AGPAT4: variants seen among roughly 807,000 people sequenced by gnomAD.
The protein encoded by AGPAT4 is 1-acyl-sn-glycerol-3-phosphate acyltransferase delta.
AGPAT4 carries 15 observed loss-of-function variants against 48.0 expected under a neutral mutation model. The observed-to-expected ratio is 0.31, with a 90% CI of 0.21 to 0.48. The LOEUF (loss-of-function observed/expected upper bound fraction) is 0.48, where lower values mean the gene tolerates loss of function less well. Ranked by LOEUF, AGPAT4 falls within the 20% of genes least tolerant of loss-of-function variation. The pLI is 0.99. For missense variants in AGPAT4, 314 were observed against 482.5 expected (o/e 0.65, Z 3.27); for synonymous variants, 178 against 198.7 (o/e 0.90, Z 0.88).
At position 161,165,808 on chromosome 6, in the gene AGPAT4, C is replaced by A. The variant is rs729986; in HGVS notation, c.348+440G>T. The stretch of plus-strand genomic sequence containing the variant: ...GGACTCAAAGTTCTTAAGCCTTCAA[C>A]GATCAAAATGCAGAGGTGATGTCTG... On this transcript the variant is annotated intron_variant, in intron 3 of 8. Coordinates refer to ENST00000320285, the MANE Select transcript of AGPAT4 (RefSeq NM_020133.3). This position sits in a 1 kb window ranked among gnomAD's most constrained non-coding sequence, Gnocchi z 5.5. 10 of 582,850 alleles carry A rather than the reference C, an allele frequency of 1.7e-5. No individual in the cohort carries two copies. Among genetic ancestry groups the A allele is most frequent in the African/African-American group, 1.3e-4 (7 of 53,866 alleles). The allele number at this position is 582,850 out of a possible 1,614,324, so 36.1% of individuals were successfully genotyped here.
intron 2 of AGPAT4, among the ~76,000 whole-genome samples, chr6:161,172,781 T>C (rs935615017): frequency 6.6e-6 from 1 of 152,164 alleles, no homozygotes; most frequent in Non-Finnish European, 1.5e-5. Flanking sequence ...CTCCTAATGC[T>C]ATCCATCCCC....
chr6:161,158,949 T>G lies in AGPAT4; in HGVS notation c.349-4639A>C, dbSNP rs886551828. On this transcript the variant is annotated intron_variant, in intron 3 of 8. Coordinates refer to ENST00000320285, the MANE Select transcript of AGPAT4 (RefSeq NM_020133.3). The surrounding 1 kb of genome is among the most constrained non-coding windows in gnomAD (Gnocchi z 5.3). ...TTGTTTGCAAACGTCCAGTCATTCA[T>G]GAAGGTTTCCCAGTAGGGTTACCAG... 3.3e-5 allele frequency among the ~76,000 whole-genome samples: 5 copies of G among 152,206 alleles called. No homozygotes were observed. Among genetic ancestry groups the G allele is most frequent in the Admixed American group, 2.6e-4 (4 of 15,282 alleles).
chr6:161,175,103 AATTCTCTTTT>A (rs1780391633), intron 2 of AGPAT4, among the ~76,000 whole-genome samples: 1 of 152,156 alleles, frequency 6.6e-6, no homozygotes, highest in Non-Finnish European at 1.5e-5. Flanking sequence ...ATTGGTCTAA[AATTCTCTTTT>A]TTTGTTGTGT....
rs1346996593 is a variant in AGPAT4 at position 161,259,660 on chromosome 6, AC to A, written c.-90+14277del. On this transcript the variant is annotated intron_variant, in intron 1 of 8. Transcript: ENST00000320285. The surrounding 1 kb of genome is among the most constrained non-coding windows in gnomAD (Gnocchi z 4.9). ...TTTCAACAAGGGAGAGCAGAGCCTTACCCCAACTGTGGGGTCCCAGGTCACC... is the reference window on the plus strand; with the variant it reads ...TTTCAACAAGGGAGAGCAGAGCCTTACCCAACTGTGGGGTCCCAGGTCACC... 6.6e-6 allele frequency among the ~76,000 whole-genome samples: 1 copy of A among 152,054 alleles called. No homozygotes were observed. Among genetic ancestry groups the A allele is most frequent in the East Asian group, 1.9e-4 (1 of 5,140 alleles).
In AGPAT4 at chr6:161,148,311, G is replaced by C. The variant is rs58585411; in HGVS notation, c.767+876C>G. 6.6e-6 allele frequency among the ~76,000 whole-genome samples: 1 copy of C among 152,158 alleles called. No homozygotes were observed. Among genetic ancestry groups the C allele is most frequent in the Non-Finnish European group, 1.5e-5 (1 of 68,044 alleles). ...TGACGATGCTGTCCTATTTTCATGG[G>C]AAAGCCAGAGTCATTTTTAGATCAG... is the stretch of plus-strand genomic sequence containing the variant. On this transcript the variant is annotated intron_variant, in intron 6 of 8. Transcript: ENST00000320285. This position sits in a 1 kb window ranked among gnomAD's most constrained non-coding sequence, Gnocchi z 5.5.
In AGPAT4 at chr6:161,143,850, AC is replaced by A. The variant is rs1226606789; in HGVS notation, c.843+2673del. On this transcript the variant is annotated intron_variant, in intron 7 of 8. Coordinates refer to ENST00000320285, the MANE Select transcript of AGPAT4 (RefSeq NM_020133.3). The surrounding 1 kb of genome is among the most constrained non-coding windows in gnomAD (Gnocchi z 4.7). ...TGCTTGGAAAGACCAGAATGTTGGCACACCTCTGTTGGCTGCCTGCCATTCC... is the reference window on the plus strand; with the variant it reads ...TGCTTGGAAAGACCAGAATGTTGGCAACCTCTGTTGGCTGCCTGCCATTCC... 1 of 282,640 alleles carries A rather than the reference AC, an allele frequency of 3.5e-6. No homozygotes were observed. Among genetic ancestry groups the A allele is most frequent in the African/African-American group, 2.2e-5 (1 of 44,972 alleles). The allele number at this position is 282,640 out of a possible 1,614,324, so 17.5% of individuals were successfully genotyped here. A position where few individuals can be genotyped will look rare whatever the true frequency, so the allele number is the denominator to read the frequency against.
At position 161,131,995 on chromosome 6, in the gene AGPAT4, A is replaced by AT. The variant is rs1778916494; in HGVS notation, c.*4544dup. On this transcript the variant is annotated 3_prime_UTR_variant, in exon 9 of 9. Coordinates refer to ENST00000320285, the MANE Select transcript of AGPAT4 (RefSeq NM_020133.3). ...GGAGGCAGGGATGCTGAGGATGTGA[A>AT]TTAGAGTGCTGGGATGTGCTAATGC... 1 of 152,416 alleles carries AT rather than the reference A, an allele frequency of 6.6e-6. No individual in the cohort carries two copies. Among genetic ancestry groups the AT allele is most frequent in the African/African-American group, 2.4e-5 (1 of 41,440 alleles). 9.4% of individuals were successfully genotyped at this position (152,416 alleles called of 1,614,324 possible). A position where few individuals can be genotyped will look rare whatever the true frequency, so the allele number is the denominator to read the frequency against.
chr6:161,210,672 G>A (rs1781498198), intron 2 of AGPAT4, among the ~76,000 whole-genome samples: 1 of 152,144 alleles, frequency 6.6e-6, no homozygotes, highest in African/African-American at 2.4e-5. Context: ...TGGTAAAGTA[G>A]TATTAGAAAT....
In AGPAT4 at chr6:161,242,350, C is replaced by T. The variant is rs546456411; in HGVS notation, c.-89-10048G>A. On this transcript the variant is annotated intron_variant, in intron 1 of 8. Transcript: ENST00000320285. The surrounding 1 kb of genome is among the most constrained non-coding windows in gnomAD (Gnocchi z 5.0). ...CTTCATGAACTTCAGCCTTCCGGGA[C>T]GCCTGGGATTTCAGTCCATGGTCTT... Among the ~76,000 whole-genome samples the T allele has an allele frequency of 3.9e-5, 6 of 152,162 alleles. No homozygotes were observed. Among genetic ancestry groups the T allele is most frequent in the African/African-American group, 9.7e-5 (4 of 41,432 alleles).
rs1219753636 is a variant in AGPAT4 at position 161,134,658 on chromosome 6, T to G, written c.*1882A>C. On this transcript the variant is annotated 3_prime_UTR_variant, in exon 9 of 9. Transcript: ENST00000320285. ...GCAGAGTTCAGGTGAATGGCGTAAC[T>G]CAGCATCACGGACCCCTCCGAGAGA... The G allele has an allele frequency of 6.6e-6, 1 of 151,960 alleles. No individual in the cohort carries two copies. The highest frequency in any genetic ancestry group is 2.4e-5 in the African/African-American group (1 of 41,364). The allele number at this position is 151,960 out of a possible 1,614,324, so 9.4% of individuals were successfully genotyped here. A position where few individuals can be genotyped will look rare whatever the true frequency, so the allele number is the denominator to read the frequency against.
At chr6:161,256,075 C>G (rs1782935372) in intron 1 of AGPAT4, among the ~76,000 whole-genome samples, 1 of 152,134 alleles carries the variant, frequency 6.6e-6, no homozygotes, top group African/African-American at 2.4e-5. Context: ...CACCCTCACC[C>G]AGGCAGAGCA....
chr6:161,164,477 T>G lies in AGPAT4; in HGVS notation c.348+1771A>C, dbSNP rs2114978116. The stretch of plus-strand genomic sequence containing the variant: ...TTAGAAGCCTGGTCCTTACTGCAGC[T>G]GGTCTGGGTCGTTTTAGGATGGTCA... On this transcript the variant is annotated intron_variant, in intron 3 of 8. Coordinates refer to ENST00000320285, the MANE Select transcript of AGPAT4 (RefSeq NM_020133.3). This position sits in a 1 kb window ranked among gnomAD's most constrained non-coding sequence, Gnocchi z 7.4. 6.6e-6 allele frequency among the ~76,000 whole-genome samples: 1 copy of G among 152,330 alleles called. No homozygotes were observed. Among genetic ancestry groups the G allele is most frequent in the African/African-American group, 2.4e-5 (1 of 41,578 alleles).
At chr6:161,228,648 A>G (rs1185315189) in intron 2 of AGPAT4, among the ~76,000 whole-genome samples, 1 of 128,010 alleles carries the variant, frequency 7.8e-6, no homozygotes, top group Non-Finnish European at 1.6e-5. Context: ...TGAAACCCAC[A>G]ATGTCAGAGA....
chr6:161,158,648 G>A lies in AGPAT4; in HGVS notation c.349-4338C>T, dbSNP rs1779832429. On this transcript the variant is annotated intron_variant, in intron 3 of 8. Coordinates refer to ENST00000320285, the MANE Select transcript of AGPAT4 (RefSeq NM_020133.3). This position sits in a 1 kb window ranked among gnomAD's most constrained non-coding sequence, Gnocchi z 5.3. ...AGCCCTTGCAGAGACCCTGGACGTT[G>A]GGAAGAGCTGACGCAGAGAGGGCCT... is the stretch of plus-strand genomic sequence containing the variant. Among the ~76,000 whole-genome samples the A allele has an allele frequency of 6.6e-6, 1 of 152,178 alleles. No individual in the cohort carries two copies. Among genetic ancestry groups the A allele is most frequent in the Admixed American group, 6.5e-5 (1 of 15,280 alleles).
chr6:161,158,546 G>C lies in AGPAT4; in HGVS notation c.349-4236C>G, dbSNP rs1041708954. ...GTGCTTGGAGCTAATCTAGTTGAGC[G>C]ACCCATCCTGAGGCTCCCCACAGCT... is the stretch of plus-strand genomic sequence containing the variant. On this transcript the variant is annotated intron_variant, in intron 3 of 8. Coordinates refer to ENST00000320285, the MANE Select transcript of AGPAT4 (RefSeq NM_020133.3). This position sits in a 1 kb window ranked among gnomAD's most constrained non-coding sequence, Gnocchi z 5.3. Among the ~76,000 whole-genome samples the C allele has an allele frequency of 2.6e-5, 4 of 152,152 alleles. No homozygotes were observed. The highest frequency in any genetic ancestry group is 9.7e-5 in the African/African-American group (4 of 41,436).
intron 5 of AGPAT4, among the ~76,000 whole-genome samples, chr6:161,152,777 G>A (rs1779629814): frequency 6.6e-6 from 1 of 152,214 alleles, no homozygotes; most frequent in African/African-American, 2.4e-5. Flanking sequence ...AAAGGGCCAA[G>A]GGACTGTGAG....
intron 1 of AGPAT4, among the ~76,000 whole-genome samples, chr6:161,252,917 T>C (rs551631068): frequency 3.9e-4 from 60 of 152,132 alleles, no homozygotes; most frequent in Non-Finnish European, 7.8e-4. Context: ...ATACAGAGTC[T>C]ACAAAAATGT....
rs1332863179 is a variant in AGPAT4, at chr6:161,246,074, G to A, written c.-89-13772C>T. 6.6e-6 allele frequency among the ~76,000 whole-genome samples: 1 copy of A among 152,154 alleles called. No homozygotes were observed. The highest frequency in any genetic ancestry group is 1.5e-5 in the Non-Finnish European group (1 of 68,044). On this transcript the variant is annotated intron_variant, in intron 1 of 8. Transcript: ENST00000320285. The surrounding 1 kb of genome is among the most constrained non-coding windows in gnomAD (Gnocchi z 5.5). ...CTTGGATATGAAGGATGCCTTTGAG[G>A]GCATTACAGACTGGCTATTCCTCGA...
chr6:161,149,438 C>CCG lies in AGPAT4; in HGVS notation c.665-150_665-149insCG. ...GATTTCTTTCTTTCTATATGGTCCA[C>CCG]ATGTTCTACACTGAATGTGTATTAT... is the stretch of plus-strand genomic sequence containing the variant. On this transcript the variant is annotated intron_variant, in intron 5 of 8. Coordinates refer to ENST00000320285, the MANE Select transcript of AGPAT4 (RefSeq NM_020133.3). The surrounding 1 kb of genome is among the most constrained non-coding windows in gnomAD (Gnocchi z 6.5). The CCG allele has an allele frequency of 1.6e-6, 1 of 628,956 alleles. No individual in the cohort carries two copies. Among genetic ancestry groups the CCG allele is most frequent in the Non-Finnish European group, 2.6e-6 (1 of 382,370 alleles). 39.0% of individuals were successfully genotyped at this position (628,956 alleles called of 1,614,324 possible). A position where few individuals can be genotyped will look rare whatever the true frequency, so the allele number is the denominator to read the frequency against.
Sources: allele counts gnomAD v4.1 joint callset (sites outside exome capture counted in the v4.1 genomes callset), GRCh38; gene constraint gnomAD v4.1.1; non-coding constraint Gnocchi (gnomAD v3.1); transcripts MANE v1.5; gene names NCBI Gene and HGNC (gene_info 2026-07-23, HGNC 2026-07-21).